The following PCSK6 variants were observed in gnomAD, a reference collection of about 807,000 sequenced individuals.
PCSK6 encodes the protein paired basic amino acid cleaving enzyme 4.
In PCSK6, 85 loss-of-function variants were observed where a neutral mutation model predicts 123.3. The observed-to-expected ratio is 0.69, with a 90% CI of 0.58 to 0.83. The LOEUF is 0.83. PCSK6 is among the 40% of genes least tolerant of loss of function. The pLI, the probability that PCSK6 is intolerant of heterozygous loss-of-function variation, is 0.00. For missense variants in PCSK6, 1,191 were observed against 1,282.3 expected, an observed-to-expected ratio of 0.93 and a Z score of 1.09; for synonymous variants, 508 against 516.0, an observed-to-expected ratio of 0.98 and a Z score of 0.21.
chr15:101,359,994 C>A (rs191392990), intron 13 of PCSK6, among the ~76,000 whole-genome samples: 5 of 152,222 alleles, frequency 3.3e-5, no homozygotes, highest in African/African-American at 9.6e-5. Flanking sequence ...CAGCATCTTC[C>A]CCCCCTGCAA....
chr15:101,415,883 C>G (rs1180302631), intron 6 of PCSK6, among the ~76,000 whole-genome samples: 1 of 152,258 alleles, frequency 6.6e-6, no homozygotes, highest in East Asian at 1.9e-4. Context: ...GATTCTGAGG[C>G]CTTCCCAGCC....
chr15:101,462,248 G>A (rs1409192965), intron 1 of PCSK6, among the ~76,000 whole-genome samples: 1 of 152,184 alleles, frequency 6.6e-6, no homozygotes, highest in East Asian at 1.9e-4. Context: ...AGATGTGTAA[G>A]TTGTGTATAT....
At chr15:101,326,272 G>A (rs750369755) in intron 16 of PCSK6, 105 bp downstream of exon 16, 1 of 794,656 alleles carries the variant, frequency 1.3e-6, no homozygotes, top group Non-Finnish European at 2.1e-6. Context: ...ATTGTTTGGG[G>A]GTGCTACGTT....
chr15:101,372,535 G>A (rs1047246787), intron 11 of PCSK6, among the ~76,000 whole-genome samples: 2 of 152,152 alleles, frequency 1.3e-5, no homozygotes, highest in Admixed American at 6.5e-5. Context: ...AGCAGCCCCC[G>A]CTGCGGTAGA....
At chr15:101,384,032 G>T in intron 10 of PCSK6, 1 of 849,334 alleles carries the variant, frequency 1.2e-6, no homozygotes, top group Non-Finnish European at 1.4e-6. Flanking sequence ...ATTGCTCCTG[G>T]CTTAAAGAGA....
chr15:101,398,883 C>CTAT lies in PCSK6; in HGVS notation c.824-310_824-308dup, dbSNP rs199661913. On this transcript the variant is annotated intron_variant, in intron 6 of 21. Coordinates refer to ENST00000611716, the MANE Select transcript of PCSK6 (RefSeq NM_002570.5). This position sits in a 1 kb window ranked among gnomAD's most constrained non-coding sequence, Gnocchi z 4.6. Reference sequence around the variant, plus strand: ...TGTTTTTTATTTTAAAAAACAAGACCTATTATTATTATTATTATTATTTAT... The same window carrying CTAT: ...TGTTTTTTATTTTAAAAAACAAGACCTATTATTATTATTATTATTATTATTTAT... Among the ~76,000 whole-genome samples the CTAT allele has an allele frequency of 1.1e-4, 16 of 150,594 alleles. No individual in the cohort carries two copies. The highest frequency in any genetic ancestry group is 5.9e-4 in the East Asian group (3 of 5,050).
chr15:101,392,804 G>C (rs1384096977), intron 8 of PCSK6, among the ~76,000 whole-genome samples: 2 of 152,130 alleles, frequency 1.3e-5, no homozygotes, highest in African/African-American at 4.8e-5. Context: ...TGGATTTCTA[G>C]AATGTCTCAG....
At chr15:101,392,426 C>G (rs1192966823) in intron 8 of PCSK6, among the ~76,000 whole-genome samples, 1 of 152,100 alleles carries the variant, frequency 6.6e-6, no homozygotes, top group Non-Finnish European at 1.5e-5. Flanking sequence ...CAAATAACTT[C>G]GAAAGATGTG....
intron 20 of PCSK6, among the ~76,000 whole-genome samples, chr15:101,311,311 G>C (rs576323209): frequency 1.4e-4 from 19 of 138,204 alleles, no homozygotes; most frequent in Non-Finnish European, 2.5e-4. Context: ...TTTTTTAGTA[G>C]AGAAGGGGTT....
chr15:101,409,539 C>T (rs1214873654), intron 6 of PCSK6, among the ~76,000 whole-genome samples: 12 of 149,424 alleles, frequency 8.0e-5, no homozygotes, highest in African/African-American at 2.5e-4. Context: ...GAGCCGAGAT[C>T]GTGCCACTGC....
At chr15:101,405,735 A>G (rs1596300958) in intron 6 of PCSK6, among the ~76,000 whole-genome samples, 3 of 149,070 alleles carry the variant, frequency 2.0e-5, no homozygotes, top group Admixed American at 2.0e-4. Context: ...TCTTTCCTCC[A>G]TTTCCCCTGC....
Position 101,305,051 on chromosome 15 carries a change from G to A in PCSK6, c.*207C>T, listed in dbSNP as rs1028581175. The A allele has an allele frequency of 5.4e-6, 3 of 558,994 alleles. No homozygotes were observed. The Admixed American group carries it at 9.3e-5, about 17-fold the overall frequency. 34.6% of individuals were successfully genotyped at this position (558,994 alleles called of 1,614,324 possible). ...GTCGGAAGACTGGAGCCAACAAGCA[G>A]CATTTGAGAGGATATCACCATTTTA... On this transcript the variant is annotated 3_prime_UTR_variant, in exon 22 of 22. Transcript: ENST00000611716. This position sits in a 1 kb window ranked among gnomAD's most constrained non-coding sequence, Gnocchi z 4.8.
chr15:101,325,048 T>G lies in PCSK6; in HGVS notation c.2181-2A>C. The G allele has an allele frequency of 6.2e-7, 1 of 1,601,276 alleles. No homozygotes were observed. Among genetic ancestry groups the G allele is most frequent in the Non-Finnish European group, 8.5e-7 (1 of 1,174,590 alleles). On this transcript the variant is annotated splice_acceptor_variant, in intron 16 of 21. Transcript: ENST00000611716. LOFTEE classifies it high-confidence loss of function. ...AAGGGGCACACACTCACGCACTTCC[T>G]GTAGGAGCAAAGGCAGGAGGGTGAG... is the stretch of plus-strand genomic sequence containing the variant.
intron 1 of PCSK6, among the ~76,000 whole-genome samples, chr15:101,486,625 G>A (rs998976942): frequency 2.6e-5 from 4 of 152,200 alleles, no homozygotes; most frequent in African/African-American, 9.7e-5. Flanking sequence ...ACAATGGAGA[G>A]GATCCACAGC....
At chr15:101,417,169 T>C (rs2055917484) in intron 6 of PCSK6, among the ~76,000 whole-genome samples, 1 of 152,260 alleles carries the variant, frequency 6.6e-6, no homozygotes, top group Non-Finnish European at 1.5e-5. Flanking sequence ...CAGGGGTTTC[T>C]GCTTTTGCTT....
intron 1 of PCSK6, among the ~76,000 whole-genome samples, chr15:101,446,159 C>T (rs576622042): frequency 7.9e-5 from 12 of 152,334 alleles, no homozygotes; most frequent in East Asian, 7.7e-4. Context: ...GCTGGGGGGC[C>T]GGGGAGGGAC....
intron 20 of PCSK6, chr15:101,307,932 A>G (rs983092620): frequency 5.9e-5 from 9 of 152,680 alleles, no homozygotes; most frequent in Non-Finnish European, 1.2e-4. Flanking sequence ...GGTAAACGTG[A>G]CCTCAGGGGA....
chr15:101,419,531 A>G (rs1368047224), intron 6 of PCSK6, among the ~76,000 whole-genome samples: 1 of 124,434 alleles, frequency 8.0e-6, no homozygotes, highest in Non-Finnish European at 1.7e-5. Flanking sequence ...CAAAATCCCA[A>G]CAGGGCTTTT....
At chr15:101,448,714 C>T (rs1479006828) in intron 1 of PCSK6, among the ~76,000 whole-genome samples, 1 of 152,234 alleles carries the variant, frequency 6.6e-6, no homozygotes, top group Non-Finnish European at 1.5e-5. Context: ...AGTCAATGAA[C>T]AGTCAGGATT....
Sources: allele counts gnomAD v4.1 joint callset (sites outside exome capture counted in the v4.1 genomes callset), GRCh38; gene constraint gnomAD v4.1.1; non-coding constraint Gnocchi (gnomAD v3.1); transcripts MANE v1.5; gene names NCBI Gene and HGNC (gene_info 2026-07-23, HGNC 2026-07-21).